Variants in FMN2 observed in about 807,000 individuals in gnomAD.
FMN2 encodes formin 2.
A neutral mutation model predicts 142.3 loss-of-function variants in FMN2; 51 were observed. The ratio of observed to expected loss-of-function variants is 0.36; its 90% CI spans 0.29 to 0.45. FMN2 has a LOEUF of 0.45. Ranked by LOEUF, FMN2 falls within the 20% of genes least tolerant of loss-of-function variation. FMN2 has a pLI of 1.00. For synonymous variants in FMN2, 882 were observed against 869.8 expected, an observed-to-expected ratio of 1.01 and a Z score of -0.25; for missense variants, 1,936 against 2,122.8, an observed-to-expected ratio of 0.91 and a Z score of 1.73.
At chr1:240,258,676 A>C (rs570499714) in intron 7 of FMN2, among the ~76,000 whole-genome samples, 1 of 152,188 alleles carries the variant, frequency 6.6e-6, no homozygotes, top group Non-Finnish European at 1.5e-5. Context: ...TTTAGTGTCA[A>C]TATTTTAATA....
chr1:240,402,477 T>C (rs1674024972), intron 15 of FMN2, among the ~76,000 whole-genome samples: 1 of 152,242 alleles, frequency 6.6e-6, no homozygotes, highest in African/African-American at 2.4e-5. Context: ...TCTTGAACCA[T>C]ACCCAAAATG....
chr1:240,142,997 C>T, intron 2 of FMN2: 8 of 1,552,048 alleles, frequency 5.2e-6, no homozygotes, highest in Non-Finnish European at 7.1e-6. Flanking sequence ...AAGAGAGAGG[C>T]ACGGTGAGCA....
chr1:240,349,004 A>G (rs1162767783), intron 13 of FMN2, among the ~76,000 whole-genome samples: 1 of 152,166 alleles, frequency 6.6e-6, no homozygotes, highest in African/African-American at 2.4e-5. Context: ...CAGACTTAAC[A>G]AGTAAGGTTT....
chr1:240,169,085 C>A (rs540250639), intron 2 of FMN2, among the ~76,000 whole-genome samples: 1 of 152,298 alleles, frequency 6.6e-6, no homozygotes, highest in South Asian at 2.1e-4. Context: ...GTGGCACATG[C>A]CTGTAGTCCC....
At chr1:240,106,377 G>A (rs1661608933) in intron 1 of FMN2, among the ~76,000 whole-genome samples, 1 of 152,114 alleles carries the variant, frequency 6.6e-6, no homozygotes, top group Admixed American at 6.5e-5. Flanking sequence ...GATCTCTCTT[G>A]TGAATTTCAG....
intron 7 of FMN2, among the ~76,000 whole-genome samples, chr1:240,274,758 C>G (rs1381341410): frequency 6.6e-6 from 1 of 151,898 alleles, no homozygotes; most frequent in African/African-American, 2.4e-5. Flanking sequence ...TATCAGATTC[C>G]TAATATGTTT....
At chr1:240,249,220 T>TTA (rs1391474287) in intron 6 of FMN2, among the ~76,000 whole-genome samples, 1 of 152,100 alleles carries the variant, frequency 6.6e-6, no homozygotes, top group Non-Finnish European at 1.5e-5. Flanking sequence ...TCTAGTAGAT[T>TTA]TATAGTTTCG....
intron 2 of FMN2, among the ~76,000 whole-genome samples, chr1:240,129,295 T>C (rs1163591665): frequency 6.6e-6 from 1 of 152,166 alleles, no homozygotes; most frequent in Non-Finnish European, 1.5e-5. Context: ...TAAGAGAATA[T>C]AGATATACGT....
intron 2 of FMN2, among the ~76,000 whole-genome samples, chr1:240,128,934 C>T (rs991609902): frequency 6.6e-5 from 10 of 152,054 alleles, no homozygotes; most frequent in African/African-American, 1.9e-4. Context: ...AGTGCAGTGG[C>T]GCGATCTTGG....
chr1:240,103,962 C>T (rs1233631431), intron 1 of FMN2, among the ~76,000 whole-genome samples: 2 of 151,602 alleles, frequency 1.3e-5, no homozygotes, highest in Middle Eastern at 3.2e-3. Context: ...CTGCAAGCTC[C>T]GCCTCCCAGG....
rs570774421 is a variant in FMN2, at chr1:240,221,404, G to A, written c.4065+10169G>A. ...GTTATTTCCCAACTTTTTAATGATC[G>A]CCATTCTGACTGGCATGAGATGGTA... On this transcript the variant is annotated intron_variant, in intron 6 of 17. Transcript: ENST00000319653. 4.6e-5 allele frequency among the ~76,000 whole-genome samples: 7 copies of A among 152,108 alleles called. 1 individual carries two copies. The South Asian group carries it at 6.2e-4, about 14-fold the overall frequency.
At chr1:240,407,640 A>G (rs2103120301) in intron 15 of FMN2, among the ~76,000 whole-genome samples, 1 of 152,308 alleles carries the variant, frequency 6.6e-6, no homozygotes, top group Admixed American at 6.5e-5. Context: ...ATAACTAACC[A>G]TGCAGTAAGC....
chr1:240,226,758 ACAT>A (rs1274380697), intron 6 of FMN2, among the ~76,000 whole-genome samples: 1 of 152,006 alleles, frequency 6.6e-6, no homozygotes, highest in Non-Finnish European at 1.5e-5. Flanking sequence ...AAGTCCGTGA[ACAT>A]CTCAATAGCT....
chr1:240,092,017 C>T lies in FMN2; in HGVS notation c.-93C>T. ...GCTCCCCCCGCCGCCGCCTGACTCT[C>T]CCGGGAGACTCCCTAGGCCCGGACC... On this transcript the variant is annotated 5_prime_UTR_variant, in exon 1 of 18. Coordinates refer to ENST00000319653, the MANE Select transcript of FMN2 (RefSeq NM_020066.5). 1 of 1,435,606 alleles carries T rather than the reference C, an allele frequency of 7.0e-7. No homozygotes were observed. The highest frequency in any genetic ancestry group is 9.0e-7 in the Non-Finnish European group (1 of 1,105,164). 88.9% of individuals were successfully genotyped at this position (1,435,606 alleles called of 1,614,324 possible).
chr1:240,445,093 G>A (rs2103195448), intron 16 of FMN2, among the ~76,000 whole-genome samples: 1 of 152,348 alleles, frequency 6.6e-6, no homozygotes, highest in Non-Finnish European at 1.5e-5. Context: ...TGGCAGAAGA[G>A]TCGACAAACA....
chr1:240,221,124 G>A (rs934814570), intron 6 of FMN2, among the ~76,000 whole-genome samples: 7 of 152,150 alleles, frequency 4.6e-5, no homozygotes, highest in Admixed American at 1.3e-4. Flanking sequence ...TCATTGATGG[G>A]CATTTTGGGT....
chr1:240,205,000 G>C (rs1204444058), intron 4 of FMN2, among the ~76,000 whole-genome samples: 1 of 152,192 alleles, frequency 6.6e-6, no homozygotes, highest in Non-Finnish European at 1.5e-5. Context: ...AGCAGGGTAA[G>C]AGTTTAGTTT....
At chr1:240,206,487 G>A (rs554172812) in intron 4 of FMN2, among the ~76,000 whole-genome samples, 3 of 152,036 alleles carry the variant, frequency 2.0e-5, no homozygotes, top group African/African-American at 7.2e-5. Flanking sequence ...TGGAAAGAAG[G>A]CTATCTTAGA....
At chr1:240,101,016 T>A (rs1193897840) in intron 1 of FMN2, among the ~76,000 whole-genome samples, 1 of 152,170 alleles carries the variant, frequency 6.6e-6, no homozygotes, top group Non-Finnish European at 1.5e-5. Flanking sequence ...TTTAAATGGT[T>A]GTTTTAGGTA....
Sources: allele counts gnomAD v4.1 joint callset (sites outside exome capture counted in the v4.1 genomes callset), GRCh38; gene constraint gnomAD v4.1.1; transcripts MANE v1.5; gene names NCBI Gene and HGNC (gene_info 2026-07-23, HGNC 2026-07-21).